B3GALT1: variants seen among roughly 807,000 people sequenced by gnomAD.
B3GALT1 encodes UDP-Gal:betaGlcNAc beta 1,3-galactosyltransferase, polypeptide 1.
B3GALT1 carries 10 observed loss-of-function variants against 23.2 expected under a neutral mutation model. The observed-to-expected ratio is 0.43, with a 90% CI of 0.27 to 0.73. The LOEUF (loss-of-function observed/expected upper bound fraction) is 0.73. B3GALT1 is among the 30% of genes least tolerant of loss of function. The pLI is 0.21. For synonymous variants in B3GALT1, 156 were observed against 141.5 expected (o/e 1.10, Z -0.73); for missense variants, 299 against 405.4 (o/e 0.74, Z 2.25).
intron 1 of B3GALT1, among the ~76,000 whole-genome samples, chr2:167,384,902 G>C (rs1460795593): frequency 6.6e-6 from 1 of 151,864 alleles, no homozygotes; most frequent in Admixed American, 6.6e-5. Flanking sequence ...TTTCCAAAAG[G>C]AGGTTGGTCT....
intron 2 of B3GALT1, among the ~76,000 whole-genome samples, chr2:167,588,778 G>GTT (rs1684620442): frequency 6.6e-6 from 1 of 151,516 alleles, no homozygotes; most frequent in East Asian, 1.9e-4. Flanking sequence ...AAAGAAAATG[G>GTT]TTATATATAT....
intron 1 of B3GALT1, among the ~76,000 whole-genome samples, chr2:167,446,068 A>G (rs182538886): frequency 1.3e-3 from 193 of 152,304 alleles, no homozygotes; most frequent in Admixed American, 0.012. Flanking sequence ...GGTGGTGACA[A>G]AATCTCTCAG....
At chr2:167,824,196 C>T (rs999351245) in intron 4 of B3GALT1, among the ~76,000 whole-genome samples, 7 of 152,154 alleles carry the variant, frequency 4.6e-5, no homozygotes, top group Non-Finnish European at 8.8e-5. Context: ...GTCTAGAAAG[C>T]AAGGGGAAAA....
intron 2 of B3GALT1, among the ~76,000 whole-genome samples, chr2:167,609,367 C>G (rs1295548631): frequency 3.3e-5 from 5 of 152,104 alleles, no homozygotes; most frequent in Non-Finnish European, 7.4e-5. Context: ...AGTTTGGATC[C>G]TTTTGGCCAT....
chr2:167,683,181 A>C (rs1237206759), intron 3 of B3GALT1, among the ~76,000 whole-genome samples: 1 of 152,224 alleles, frequency 6.6e-6, no homozygotes, highest in East Asian at 1.9e-4. Flanking sequence ...TAGAATATTT[A>C]TGATCATTTG....
At chr2:167,559,383 C>A (rs767483625) in intron 2 of B3GALT1, among the ~76,000 whole-genome samples, 15 of 152,154 alleles carry the variant, frequency 9.9e-5, no homozygotes, top group Admixed American at 4.6e-4. Context: ...ACTGGAAACT[C>A]TAAAAAGCAG....
chr2:167,559,798 G>A (rs536815507), intron 2 of B3GALT1, among the ~76,000 whole-genome samples: 1 of 152,304 alleles, frequency 6.6e-6, no homozygotes, highest in South Asian at 2.1e-4. Flanking sequence ...AGAAATATGG[G>A]ACTATGTGAA....
intron 3 of B3GALT1, among the ~76,000 whole-genome samples, chr2:167,678,506 T>C (rs1216373398): frequency 6.6e-6 from 1 of 152,086 alleles, no homozygotes; most frequent in Non-Finnish European, 1.5e-5. Context: ...CCTTCTACAC[T>C]GTGACCTCCC....
At position 167,699,378 on chromosome 2, in the gene B3GALT1, C is replaced by CTTT. The variant is rs1285786645; in HGVS notation, c.-352+52413_-352+52414insTTT. Among the ~76,000 whole-genome samples, 208 of 78,510 alleles carry CTTT rather than the reference C, an allele frequency of 2.6e-3. 3 individuals are homozygous for CTTT. The highest frequency in any genetic ancestry group is 8.0e-3 in the East Asian group (19 of 2,378). 51.5% of individuals were successfully genotyped at this position (78,510 alleles called of 152,430 possible). ...TTGGGGGAGTTTTTTGCCATTATTT[C>CTTT]TATTTTTTTTTTTTTTTTTTTTTTT... On this transcript the variant is annotated intron_variant, in intron 3 of 4. Transcript: ENST00000392690.
At chr2:167,534,607 C>T (rs933815649) in intron 2 of B3GALT1, among the ~76,000 whole-genome samples, 5 of 152,072 alleles carry the variant, frequency 3.3e-5, no homozygotes, top group African/African-American at 1.2e-4. Flanking sequence ...ACAAGGAATG[C>T]ATCAAAAAGA....
chr2:167,786,642 A>G (rs1390678101), intron 3 of B3GALT1, among the ~76,000 whole-genome samples: 5 of 152,200 alleles, frequency 3.3e-5, no homozygotes, highest in Admixed American at 1.3e-4. Flanking sequence ...ATTTAGGCAC[A>G]TGGAATATTT....
At chr2:167,859,102 C>T (rs1284675252) in intron 4 of B3GALT1, among the ~76,000 whole-genome samples, 1 of 152,116 alleles carries the variant, frequency 6.6e-6, no homozygotes, top group African/African-American at 2.4e-5. Flanking sequence ...TCCTCTCATC[C>T]TCTTTCACAT....
chr2:167,739,992 G>A (rs1434714840), intron 3 of B3GALT1, among the ~76,000 whole-genome samples: 1 of 151,326 alleles, frequency 6.6e-6, no homozygotes, highest in African/African-American at 2.4e-5. Context: ...TCAGCTATTT[G>A]GGAGGCTGAG....
Position 167,455,773 on chromosome 2 carries a change from A to G in B3GALT1, c.-510-34404A>G, listed in dbSNP as rs558047938. On this transcript the variant is annotated intron_variant, in intron 1 of 4. Transcript: ENST00000392690. ...GGCTATCCGCCTGCCTAAGCCTCCC[A>G]TAGTGCTGGGATTAGAGACATGGGC... Among the ~76,000 whole-genome samples, 9 of 152,292 alleles carry G rather than the reference A, an allele frequency of 5.9e-5. No individual in the cohort carries two copies. In the East Asian group the frequency reaches 1.5e-3, roughly 26 times the overall value.
intron 1 of B3GALT1, among the ~76,000 whole-genome samples, chr2:167,457,764 T>C (rs1026548917): frequency 6.6e-6 from 1 of 152,066 alleles, no homozygotes; most frequent in Non-Finnish European, 1.5e-5. Flanking sequence ...GACTAGCAGT[T>C]CTCAAAGCAT....
At chr2:167,829,176 T>C (rs995142028) in intron 4 of B3GALT1, among the ~76,000 whole-genome samples, 11 of 152,324 alleles carry the variant, frequency 7.2e-5, no homozygotes, top group African/African-American at 2.4e-4. Context: ...TTTTCAAAAA[T>C]TATTTCTAAT....
chr2:167,446,366 A>C (rs986342480), intron 1 of B3GALT1, among the ~76,000 whole-genome samples: 3 of 152,102 alleles, frequency 2.0e-5, no homozygotes, highest in Non-Finnish European at 4.4e-5. Context: ...CTCGAGGAGT[A>C]TCTTTGTGGC....
intron 3 of B3GALT1, among the ~76,000 whole-genome samples, chr2:167,716,452 ATTTTC>A (rs1687148914): frequency 6.6e-6 from 1 of 152,018 alleles, no homozygotes; most frequent in Non-Finnish European, 1.5e-5. Flanking sequence ...GTTTCTGGTA[ATTTTC>A]TTTGCTTTAT....
At chr2:167,509,983 C>G (rs138081108) in intron 2 of B3GALT1, among the ~76,000 whole-genome samples, 1 of 151,906 alleles carries the variant, frequency 6.6e-6, no homozygotes, top group African/African-American at 2.4e-5. Flanking sequence ...TACTGAGAAG[C>G]GAGAAAAGTA....
Sources: gnomAD v4.1 joint callset for allele counts (sites outside exome capture counted in the v4.1 genomes callset) on GRCh38, gnomAD v4.1.1 for gene constraint, MANE v1.5 for transcripts, NCBI Gene and HGNC (gene_info 2026-07-23, HGNC 2026-07-21) for gene names.